The following TAB3 variants were observed in gnomAD, a reference collection of about 807,000 sequenced individuals.
The protein encoded by TAB3 is TGF-beta activated kinase 1 (MAP3K7) binding protein 3, also known as TGF-beta-activated kinase 1 and MAP3K7-binding protein 3.
A neutral mutation model predicts 48.1 loss-of-function variants in TAB3; 18 were observed. The observed-to-expected ratio is 0.37, with a 90% CI of 0.26 to 0.55. TAB3 has a LOEUF of 0.55. Ranked by LOEUF, TAB3 falls within the 20% of genes least tolerant of loss-of-function variation. TAB3 has a pLI of 0.78. For synonymous variants in TAB3, 185 were observed against 190.2 expected (o/e 0.97, Z 0.22); for missense variants, 414 against 549.8 (o/e 0.75, Z 2.47).
intron 5 of TAB3, among the ~76,000 whole-genome samples, chrX:30,856,973 G>A (rs1269407069): frequency 1.8e-5 from 2 of 111,443 alleles, no homozygotes; most frequent in Non-Finnish European, 3.8e-5. Context: ...TTAAACTGGA[G>A]CTTTAGGAAG....
chrX:30,884,579 C>T (rs1263300817), intron 1 of TAB3, among the ~76,000 whole-genome samples: 1 of 104,512 alleles, frequency 9.6e-6, no homozygotes, highest in East Asian at 2.9e-4. Flanking sequence ...ATTTTTCAAA[C>T]GAAAGAGTGG....
chrX:30,842,046 T>G (rs1006774573), intron 9 of TAB3, among the ~76,000 whole-genome samples: 31 of 112,698 alleles, frequency 2.8e-4, no homozygotes, highest in African/African-American at 9.7e-4. Context: ...TGGCCTCATG[T>G]GATCCATCCG....
rs532463785 is a variant in TAB3 at position 30,846,856 on chromosome X, A to C, written c.1711-212T>G. ...CATCAAAATGGCCACATATAAACAA[A>C]ATCTGCATATAAAGTGGCGAGCTGC... On this transcript the variant is annotated intron_variant, in intron 7 of 10. Coordinates refer to ENST00000288422, the MANE Select transcript of TAB3 (RefSeq NM_152787.5). Among the ~76,000 whole-genome samples the C allele has an allele frequency of 3.6e-5, 4 of 111,946 alleles. No individual in the cohort carries two copies. The East Asian group carries it at 8.4e-4, about 24-fold the overall frequency.
intron 10 of TAB3, among the ~76,000 whole-genome samples, chrX:30,832,977 T>C (rs1383407400): frequency 9.3e-6 from 1 of 107,945 alleles, no homozygotes; most frequent in Non-Finnish European, 1.9e-5. Flanking sequence ...TTCTTTCTTT[T>C]TTTTTTTTTT....
At chrX:30,832,624 G>C (rs915142883) in intron 10 of TAB3, among the ~76,000 whole-genome samples, 1 of 112,292 alleles carries the variant, frequency 8.9e-6, no homozygotes, top group Non-Finnish European at 1.9e-5. Context: ...TGCCTTATAT[G>C]ACAAATGTTA....
intron 4 of TAB3, among the ~76,000 whole-genome samples, chrX:30,862,216 G>A (rs1382672159): frequency 3.6e-5 from 4 of 111,677 alleles, no homozygotes; most frequent in Admixed American, 1.9e-4. Flanking sequence ...TAATCAAATC[G>A]GCTTGTATTT....
intron 1 of TAB3, among the ~76,000 whole-genome samples, chrX:30,881,048 A>G: frequency 8.9e-6 from 1 of 111,907 alleles, no homozygotes; most frequent in Non-Finnish European, 1.9e-5. Flanking sequence ...GGAATAGTAT[A>G]CAGTAATGAG....
intron 1 of TAB3, among the ~76,000 whole-genome samples, chrX:30,888,568 G>C (rs1028784328): frequency 8.9e-6 from 1 of 112,180 alleles, no homozygotes; most frequent in Admixed American, 9.4e-5. Context: ...GGACCTCAGA[G>C]GACTGCTTGT....
chrX:30,886,443 A>G (rs1041749303), intron 1 of TAB3, among the ~76,000 whole-genome samples: 1 of 111,664 alleles, frequency 9.0e-6, no homozygotes, highest in African/African-American at 3.3e-5. Flanking sequence ...CTATATTTAA[A>G]AACTTATTCA....
In TAB3 at chrX:30,854,184, C is replaced by A; in HGVS notation, c.1481G>T (p.Gly494Val). Residue 494 changes from glycine to valine, a missense_variant, in exon 6 of 11, where the codon GGA becomes GTA. Transcript: ENST00000288422. ...CTGATATTTATGGCTTCCCTTTTCT[C>A]CCCCAGAGCCTGGTATCACTGAAAT... is the stretch of plus-strand genomic sequence containing the variant. ...QPISVIPGSG[G>V]EKGSHKYQRS... 1 of 1,210,442 alleles carries A rather than the reference C, an allele frequency of 8.3e-7. No homozygotes were observed. The highest frequency in any genetic ancestry group is 1.1e-6 in the Non-Finnish European group (1 of 894,917).
At chrX:30,850,790 T>C (rs1036267985) in intron 7 of TAB3, among the ~76,000 whole-genome samples, 1 of 107,715 alleles carries the variant, frequency 9.3e-6, no homozygotes, top group Admixed American at 9.9e-5. Flanking sequence ...TTTTTCTTTT[T>C]TTTTTTTTTA....
chrX:30,870,102 A>G (rs1242572882), intron 2 of TAB3, among the ~76,000 whole-genome samples: 1 of 112,173 alleles, frequency 8.9e-6, no homozygotes, highest in East Asian at 2.8e-4. Context: ...TTAAGAAGCA[A>G]AATGGAAGTA....
intron 9 of TAB3, among the ~76,000 whole-genome samples, chrX:30,837,538 T>C (rs1938277274): frequency 8.9e-6 from 1 of 111,820 alleles, no homozygotes; most frequent in South Asian, 3.7e-4. Context: ...TTTTATTGAG[T>C]TGTCTTTTTA....
chrX:30,851,919 G>A (rs947051702), intron 7 of TAB3, among the ~76,000 whole-genome samples: 1 of 112,164 alleles, frequency 8.9e-6, no homozygotes, highest in Admixed American at 9.5e-5. Flanking sequence ...GCACAGAAAC[G>A]AGTTGATGTA....
chrX:30,828,158 T>TA lies in TAB3; in HGVS notation c.*3268dup, dbSNP rs1216602014. The TA allele has an allele frequency of 5.3e-5, 6 of 112,819 alleles. No individual in the cohort carries two copies. 9.3% of individuals were successfully genotyped at this position (112,819 alleles called of 1,213,427 possible). On this transcript the variant is annotated 3_prime_UTR_variant, in exon 11 of 11. Transcript: ENST00000288422. ...TAGAGGACAATTCTTCTATGCCTTA[T>TA]ATTCTTTTTGTTTATACTGTCAGAA...
chrX:30,842,928 T>A, intron 9 of TAB3, 38 bp downstream of exon 9: 4 of 892,873 alleles, frequency 4.5e-6, no homozygotes, highest in Non-Finnish European at 6.2e-6. Context: ...TATTTTGACA[T>A]TTATTTCTAT....
chrX:30,866,648 C>T (rs1286908275), intron 4 of TAB3, among the ~76,000 whole-genome samples: 8 of 109,164 alleles, frequency 7.3e-5, no homozygotes, highest in South Asian at 4.0e-4. Context: ...TATGATCCAA[C>T]GTATAAAATA....
intron 7 of TAB3, among the ~76,000 whole-genome samples, chrX:30,850,729 A>C (rs1845019879): frequency 9.2e-6 from 1 of 108,522 alleles, no homozygotes; most frequent in Non-Finnish European, 1.9e-5. Flanking sequence ...AAAAAAAAGA[A>C]AGAAAGAAAA....
intron 1 of TAB3, among the ~76,000 whole-genome samples, chrX:30,876,760 T>C (rs1939851375): frequency 9.0e-6 from 1 of 111,582 alleles, no homozygotes; most frequent in Admixed American, 9.5e-5. Context: ...AGAATAATTT[T>C]ATTACTGAGA....
Sources: gnomAD v4.1 joint callset for allele counts (sites outside exome capture counted in the v4.1 genomes callset) on GRCh38, gnomAD v4.1.1 for gene constraint, MANE v1.5 for transcripts, NCBI Gene and HGNC (gene_info 2026-07-23, HGNC 2026-07-21) for gene names.